Variants in ZNF609 observed in about 807,000 individuals in gnomAD.
ZNF609 encodes zinc finger protein 609.
ZNF609 carries 11 observed loss-of-function variants against 109.5 expected under a neutral mutation model. That is an observed-to-expected ratio of 0.10 (90% CI 0.06 to 0.17). The LOEUF (loss-of-function observed/expected upper bound fraction) is 0.17. Among genes scored for constraint, ZNF609 ranks in the 10% least tolerant of loss-of-function variants. The probability of loss-of-function intolerance (pLI) is 1.00; values close to 1 mark genes in which losing one functional copy is unlikely to be tolerated. For missense variants in ZNF609, 1,559 were observed against 1,772.4 expected (o/e 0.88, Z 2.16); for synonymous variants, 646 against 662.0 (o/e 0.98, Z 0.37).
At chr15:64,594,014 T>C (rs1595731602) in intron 2 of ZNF609, among the ~76,000 whole-genome samples, 1 of 152,226 alleles carries the variant, frequency 6.6e-6, no homozygotes, top group African/African-American at 2.4e-5. Flanking sequence ...TGAAGGGTTT[T>C]ATGTCATGAA....
chr15:64,558,780 C>G (rs1021535754), intron 2 of ZNF609, among the ~76,000 whole-genome samples: 1 of 152,084 alleles, frequency 6.6e-6, no homozygotes, highest in Non-Finnish European at 1.5e-5. Context: ...CTAAAATAGA[C>G]TAAAGTATGA....
In ZNF609 at chr15:64,675,431, A is replaced by G. The variant is rs745925778; in HGVS notation, c.2577A>G (p.Val859=). ...CTGGGGAGGATGGGGAGGGCAAGGT[A>G]GACAGTGTCAAATCAAAGGACGCCG... ...SDAGEDGEGK[V]DSVKSKDAEQ... The change falls in exon 5 of 10, where the codon GTA becomes GTG. Residue 859 remains valine (V), a synonymous_variant. Coordinates refer to ENST00000326648, the MANE Select transcript of ZNF609 (RefSeq NM_015042.2). 1 of 1,614,204 alleles carries G rather than the reference A, an allele frequency of 6.2e-7. No individual in the cohort carries two copies. The highest frequency in any genetic ancestry group is 1.1e-5 in the South Asian group (1 of 91,092).
At position 64,675,757 on chromosome 15, in the gene ZNF609, A is replaced by G. The variant is rs538483885; in HGVS notation, c.2903A>G (p.Tyr968Cys). 45 of 1,614,100 alleles carry G rather than the reference A, an allele frequency of 2.8e-5. No individual in the cohort carries two copies. The highest frequency in any genetic ancestry group is 3.7e-5 in the Non-Finnish European group (44 of 1,180,058). Residue 968 changes from tyrosine to cysteine, a missense_variant, in exon 5 of 10, where the codon TAC becomes TGC. Physicochemically the swap from Tyr to Cys is radical, Grantham distance 194 (BLOSUM62 -2). Transcript: ENST00000326648. Reference protein sequence around the residue: ...PSVIQQRPNMYMQSLYYNQYA... With the variant: ...PSVIQQRPNMCMQSLYYNQYA... ...GTCATCCAGCAGCGTCCCAATATGTACATGCAGTCCCTGTACTACAACCAG... is the reference window on the plus strand; with the variant it reads ...GTCATCCAGCAGCGTCCCAATATGTGCATGCAGTCCCTGTACTACAACCAG...
At chr15:64,625,475 G>A (rs980447505) in intron 3 of ZNF609, among the ~76,000 whole-genome samples, 9 of 152,034 alleles carry the variant, frequency 5.9e-5, no homozygotes, top group Admixed American at 5.2e-4. Flanking sequence ...AGCCGAGATC[G>A]CACCATTGCA....
chr15:64,655,095 CA>C (rs34537642), intron 3 of ZNF609, among the ~76,000 whole-genome samples: 72 of 104,704 alleles, frequency 6.9e-4, no homozygotes, highest in African/African-American at 1.1e-3. Context: ...GACTCCATCT[CA>C]AAAAAAAAAA....
chr15:64,552,662 T>G (rs1244715611), intron 2 of ZNF609, among the ~76,000 whole-genome samples: 5 of 151,910 alleles, frequency 3.3e-5, no homozygotes, highest in African/African-American at 1.2e-4. Context: ...CCATTGTTGT[T>G]TTTTTGAAAC....
intron 2 of ZNF609, among the ~76,000 whole-genome samples, chr15:64,533,939 G>A (rs1009731010): frequency 2.6e-5 from 4 of 151,632 alleles, no homozygotes; most frequent in Non-Finnish European, 5.9e-5. Context: ...TTTATATCAC[G>A]TGTAGGTTTC....
At chr15:64,561,632 G>A (rs1234114731) in intron 2 of ZNF609, among the ~76,000 whole-genome samples, 2 of 151,058 alleles carry the variant, frequency 1.3e-5, no homozygotes, top group Non-Finnish European at 2.9e-5. Context: ...CTGGGCACAG[G>A]CAATCCTCTT....
chr15:64,661,162 A>G (rs535123726), intron 3 of ZNF609, among the ~76,000 whole-genome samples: 3 of 152,186 alleles, frequency 2.0e-5, no homozygotes, highest in African/African-American at 7.2e-5. Flanking sequence ...GGGTTTCACC[A>G]TGTTGGCCAG....
chr15:64,479,924 T>A (rs976664213), intron 1 of ZNF609, among the ~76,000 whole-genome samples: 15 of 148,928 alleles, frequency 1.0e-4, no homozygotes, highest in African/African-American at 3.2e-4. Context: ...GTCTCAAATT[T>A]AAAAAAAATT....
chr15:64,591,377 A>G (rs1237344556), intron 2 of ZNF609, among the ~76,000 whole-genome samples: 5 of 152,070 alleles, frequency 3.3e-5, no homozygotes, highest in African/African-American at 9.7e-5. Flanking sequence ...GCAGTGAGCC[A>G]AGATCGCGCC....
At chr15:64,576,240 T>C (rs1370175028) in intron 2 of ZNF609, among the ~76,000 whole-genome samples, 2 of 152,216 alleles carry the variant, frequency 1.3e-5, no homozygotes, top group Non-Finnish European at 2.9e-5. Flanking sequence ...GTTTATATTA[T>C]AACTTACAGG....
intron 2 of ZNF609, among the ~76,000 whole-genome samples, chr15:64,591,229 A>G (rs1895290634): frequency 2.0e-5 from 3 of 152,122 alleles, no homozygotes; most frequent in Admixed American, 2.0e-4. Context: ...AGAGATCGAG[A>G]CCATCCTGGC....
chr15:64,512,532 A>G (rs1350348797), intron 2 of ZNF609, among the ~76,000 whole-genome samples: 1 of 152,214 alleles, frequency 6.6e-6, no homozygotes, highest in Non-Finnish European at 1.5e-5. Context: ...TAGCAATACA[A>G]AAAAGACCTT....
rs140969470 is a variant in ZNF609, at chr15:64,466,976, A to G, written c.-128+6138A>G. ...GCTCTAGCAGCAGGAGTTGAACTGCAGTCTCATGAGCACAGTCAGATCTAT... is the reference window on the plus strand; with the variant it reads ...GCTCTAGCAGCAGGAGTTGAACTGCGGTCTCATGAGCACAGTCAGATCTAT... On this transcript the variant is annotated intron_variant, in intron 1 of 9. Transcript: ENST00000326648. 1.2e-3 allele frequency among the ~76,000 whole-genome samples: 176 copies of G among 152,220 alleles called. 1 individual carries two copies. Among genetic ancestry groups the G allele is most frequent in the Middle Eastern group, 3.4e-3 (1 of 294 alleles).
chr15:64,616,514 C>CTTTTTTTTT (rs56145140), intron 2 of ZNF609, among the ~76,000 whole-genome samples: 1 of 66,918 alleles, frequency 1.5e-5, no homozygotes, highest in African/African-American at 5.3e-5. Flanking sequence ...AAACTGATAT[C>CTTTTTTTTT]TTTTTTTTTT....
At chr15:64,629,907 C>T (rs1354237947) in intron 3 of ZNF609, among the ~76,000 whole-genome samples, 7 of 151,982 alleles carry the variant, frequency 4.6e-5, no homozygotes, top group South Asian at 2.1e-4. Context: ...TGAACAATAC[C>T]GAGAACTTTA....
chr15:64,624,761 C>CTTTT (rs11411889), intron 3 of ZNF609, among the ~76,000 whole-genome samples: 1 of 131,876 alleles, frequency 7.6e-6, no homozygotes. Context: ...GTTACGTACA[C>CTTTT]TTTTTTTTTT....
At chr15:64,662,911 C>T (rs1896600328) in intron 3 of ZNF609, among the ~76,000 whole-genome samples, 4 of 151,962 alleles carry the variant, frequency 2.6e-5, no homozygotes, top group Admixed American at 2.0e-4. Context: ...AGATGATCCA[C>T]CTGCCTCGGC....
Sources: gnomAD v4.1 joint callset for allele counts (sites outside exome capture counted in the v4.1 genomes callset) on GRCh38, gnomAD v4.1.1 for gene constraint, MANE v1.5 for transcripts, NCBI Gene and HGNC (gene_info 2026-07-23, HGNC 2026-07-21) for gene names.